The following MYO3A variants were observed in gnomAD, a reference collection of about 807,000 sequenced individuals.
The protein encoded by MYO3A is myosin-IIIa.
A neutral mutation model predicts 192.7 loss-of-function variants in MYO3A; 180 were observed. The observed-to-expected ratio is 0.93, with a 90% CI of 0.83 to 1.06. MYO3A has a LOEUF of 1.06. Ranked by LOEUF, MYO3A falls within the 50% of genes least tolerant of loss-of-function variation. MYO3A has a pLI of 0.00. For missense variants in MYO3A, 1,896 were observed against 1,905.0 expected, an observed-to-expected ratio of 1.00 and a Z score of 0.09; for synonymous variants, 628 against 645.3, an observed-to-expected ratio of 0.97 and a Z score of 0.41.
intron 33 of MYO3A, among the ~76,000 whole-genome samples, chr10:26,202,237 A>C (rs955878959): frequency 5.3e-5 from 8 of 152,218 alleles, no homozygotes; most frequent in African/African-American, 1.9e-4. Flanking sequence ...TTTATTTCTG[A>C]ATCAGTGACA....
chr10:26,013,779 C>T (rs188361752), intron 6 of MYO3A, among the ~76,000 whole-genome samples: 1 of 152,130 alleles, frequency 6.6e-6, no homozygotes, highest in African/African-American at 2.4e-5. Context: ...TGGATATCTA[C>T]CCAAAGGAAA....
intron 23 of MYO3A, among the ~76,000 whole-genome samples, chr10:26,148,588 G>A (rs1298370380): frequency 6.6e-6 from 1 of 152,196 alleles, no homozygotes; most frequent in East Asian, 1.9e-4. Flanking sequence ...AATAATGGGA[G>A]AATTGGTATC....
chr10:26,112,780 A>G (rs1402523827), intron 17 of MYO3A, among the ~76,000 whole-genome samples: 5 of 152,248 alleles, frequency 3.3e-5, no homozygotes, highest in African/African-American at 1.2e-4. Context: ...AATAACACCA[A>G]TTAGAAATCT....
chr10:26,148,422 T>G (rs1279406118), intron 23 of MYO3A, among the ~76,000 whole-genome samples: 1 of 152,242 alleles, frequency 6.6e-6, no homozygotes, highest in East Asian at 1.9e-4. Context: ...AGTCCTGAAA[T>G]CAGGCAGTAC....
chr10:26,200,198 T>C (rs1243032712), intron 32 of MYO3A, among the ~76,000 whole-genome samples: 1 of 152,122 alleles, frequency 6.6e-6, no homozygotes, highest in Non-Finnish European at 1.5e-5. Flanking sequence ...TGCCAACCAA[T>C]AAGAATAAAA....
chr10:26,190,387 G>A (rs1053150440), intron 31 of MYO3A, among the ~76,000 whole-genome samples: 2 of 152,194 alleles, frequency 1.3e-5, no homozygotes, highest in Non-Finnish European at 2.9e-5. Context: ...ATGTTAGATG[G>A]AGAAGAATGA....
intron 17 of MYO3A, among the ~76,000 whole-genome samples, chr10:26,107,477 A>G (rs909183538): frequency 4.3e-5 from 6 of 140,590 alleles, no homozygotes; most frequent in African/African-American, 1.6e-4. Flanking sequence ...GTGAAACACC[A>G]TCTCAAAAAA....
chr10:26,054,338 CACAAT>C lies in MYO3A; in HGVS notation c.954-12635_954-12631del, dbSNP rs537738448. ...AATACTCTAGGATTTAGATGGAGAG[CACAAT>C]ATTGTTTAATGAAGAAATCCCACCT... On this transcript the variant is annotated intron_variant, in intron 10 of 34. Coordinates refer to ENST00000642920, the MANE Select transcript of MYO3A (RefSeq NM_017433.5). Among the ~76,000 whole-genome samples the C allele has an allele frequency of 1.8e-4, 28 of 152,274 alleles. No individual in the cohort carries two copies. The South Asian group carries it at 5.2e-3, about 28-fold the overall frequency.
At chr10:26,138,455 A>C (rs1839973818) in intron 20 of MYO3A, among the ~76,000 whole-genome samples, 1 of 152,194 alleles carries the variant, frequency 6.6e-6, no homozygotes, top group African/African-American at 2.4e-5. Flanking sequence ...ATTCTGTTAA[A>C]AGTCAAATTC....
At position 26,044,073 on chromosome 10, in the gene MYO3A, A is replaced by G. The variant is rs930911296; in HGVS notation, c.953+17541A>G. ...TGGTTCTTCCCTTTAAGTCAGCAGC[A>G]TATCTTCTGGCCCAGGTTGAGTCTA... On this transcript the variant is annotated intron_variant, in intron 10 of 34. Transcript: ENST00000642920. Among the ~76,000 whole-genome samples the G allele has an allele frequency of 7.2e-5, 11 of 152,288 alleles. No homozygotes were observed. In the South Asian group the frequency reaches 2.3e-3, roughly 32 times the overall value.
At chr10:26,096,032 A>G (rs1043154495) in intron 15 of MYO3A, among the ~76,000 whole-genome samples, 2 of 152,170 alleles carry the variant, frequency 1.3e-5, no homozygotes, top group Admixed American at 6.5e-5. Flanking sequence ...GCATGGCTGT[A>G]TACATTATTC....
At chr10:25,987,270 A>G (rs1472691153) in intron 4 of MYO3A, among the ~76,000 whole-genome samples, 1 of 152,168 alleles carries the variant, frequency 6.6e-6, no homozygotes, top group Non-Finnish European at 1.5e-5. Context: ...AGAAAATAAT[A>G]TGGGAAAAAC....
chr10:25,959,735 G>A (rs1588661640), intron 4 of MYO3A, among the ~76,000 whole-genome samples: 2 of 152,028 alleles, frequency 1.3e-5, no homozygotes, highest in East Asian at 1.9e-4. Context: ...TTTTGCTGAT[G>A]TCACCAAATC....
At chr10:25,953,574 G>C (rs1166552791) in intron 3 of MYO3A, among the ~76,000 whole-genome samples, 1 of 152,042 alleles carries the variant, frequency 6.6e-6, no homozygotes, top group African/African-American at 2.4e-5. Flanking sequence ...AGGGATTCAG[G>C]TGTGTGGCAG....
In MYO3A at chr10:26,003,721, A is replaced by G. The variant is rs536635194; in HGVS notation, c.508+6463A>G. ...ATAGAAAATGAAAGAGACTAAATTT[A>G]AAGGACAGCCCTTAGTTCTTATTTC... On this transcript the variant is annotated intron_variant, in intron 6 of 34. Coordinates refer to ENST00000642920, the MANE Select transcript of MYO3A (RefSeq NM_017433.5). Among the ~76,000 whole-genome samples, 98 of 152,328 alleles carry G rather than the reference A, an allele frequency of 6.4e-4. 5 individuals carry two copies. The South Asian group carries it at 0.02, about 31-fold the overall frequency.
At chr10:25,986,445 A>G (rs1343410151) in intron 4 of MYO3A, among the ~76,000 whole-genome samples, 1 of 152,214 alleles carries the variant, frequency 6.6e-6, no homozygotes, top group East Asian at 1.9e-4. Flanking sequence ...ATGATCTTAT[A>G]CTTAGAAAAC....
intron 14 of MYO3A, among the ~76,000 whole-genome samples, chr10:26,083,045 A>G (rs1480520802): frequency 6.6e-6 from 1 of 151,988 alleles, no homozygotes; most frequent in Non-Finnish European, 1.5e-5. Context: ...GCAGCATACA[A>G]TTTTTTTTCT....
chr10:26,174,435 CAT>C lies in MYO3A; in HGVS notation c.4173_4174del (p.His1391GlnfsTer10), dbSNP rs768570132. The C allele has an allele frequency of 1.7e-5, 27 of 1,614,036 alleles. 1 individual carries two copies. The Admixed American group carries it at 3.2e-4, about 19-fold the overall frequency. On this transcript the variant is annotated frameshift_variant, in exon 30 of 35. Transcript: ENST00000642920. LOFTEE classifies it high-confidence loss of function. ...ACCAACAGAAGTAGCAAGAAACACT[CAT>C]AATTTGTATTCCTATCCCACAAAAC... ...TTPTEVARNT[H>X]NLYSYPTKHE...
chr10:26,205,537 C>T (rs1471954674), intron 34 of MYO3A, among the ~76,000 whole-genome samples: 3 of 144,766 alleles, frequency 2.1e-5, no homozygotes, highest in Non-Finnish European at 4.5e-5. Flanking sequence ...CTGCACCTGA[C>T]TTCTTTCACT....
Sources: gnomAD v4.1 joint callset for allele counts (sites outside exome capture counted in the v4.1 genomes callset) on GRCh38, gnomAD v4.1.1 for gene constraint, MANE v1.5 for transcripts, NCBI Gene and HGNC (gene_info 2026-07-23, HGNC 2026-07-21) for gene names.